The following VWA5B1 variants were observed in gnomAD, a reference collection of about 807,000 sequenced individuals.
VWA5B1 encodes von Willebrand factor A domain containing 5B1.
A neutral mutation model predicts 118.2 loss-of-function variants in VWA5B1; 115 were observed. The ratio of observed to expected loss-of-function variants is 0.97; its 90% CI spans 0.84 to 1.14. VWA5B1 has a LOEUF of 1.14. Ranked by LOEUF, VWA5B1 falls within the 50% of genes most tolerant of loss-of-function variation. The probability of loss-of-function intolerance (pLI) is 0.00; values close to 1 mark genes in which losing one functional copy is unlikely to be tolerated. For synonymous variants in VWA5B1, 682 were observed against 658.4 expected, an observed-to-expected ratio of 1.04 and a Z score of -0.55; for missense variants, 1,596 against 1,603.8, an observed-to-expected ratio of 1.00 and a Z score of 0.08.
Position 20,337,662 on chromosome 1 carries a change from GCGA to G in VWA5B1, c.1962_1964del (p.Arg656del), listed in dbSNP as rs1294876185. ...CCTGTCCAGATCTGAACCTCTCTCA[GCGA>G]CGGAGGGCATACAGCACCAACCAGA... On this transcript the variant is annotated inframe_deletion, in exon 14 of 22. Coordinates refer to ENST00000289815, the MANE Select transcript of VWA5B1 (RefSeq NM_001039500.3). 41 of 1,551,362 alleles carry G rather than the reference GCGA, an allele frequency of 2.6e-5. No individual in the cohort carries two copies. Among genetic ancestry groups the G allele is most frequent in the Non-Finnish European group, 3.4e-5 (39 of 1,146,948 alleles).
At chr1:20,350,032 G>T in intron 18 of VWA5B1, 124 bp from the exon 19 acceptor site, 2 of 946,750 alleles carry the variant, frequency 2.1e-6, no homozygotes, top group East Asian at 2.7e-5. Context: ...AGCAGGGGTG[G>T]AAACCCTAGC....
chr1:20,309,555 G>A (rs1407761350), intron 1 of VWA5B1, among the ~76,000 whole-genome samples: 1 of 152,228 alleles, frequency 6.6e-6, no homozygotes, highest in Non-Finnish European at 1.5e-5. Flanking sequence ...GTGTGTTTGG[G>A]GACCGTGGTG....
chr1:20,303,614 C>CT (rs1222630315), intron 1 of VWA5B1, among the ~76,000 whole-genome samples: 6 of 152,166 alleles, frequency 3.9e-5, no homozygotes, highest in African/African-American at 1.4e-4. Context: ...GGGCCAATTA[C>CT]TATGGAAGTG....
In VWA5B1 at chr1:20,290,889, CT is replaced by C. The variant is rs1482630409; in HGVS notation, c.-225del. ...GGTTACGCTCTGACAAAACAAATGG[CT>C]CGGCCTCCTGCAGGCCACCTAAACA... On this transcript the variant is annotated 5_prime_UTR_variant, in exon 1 of 22. The change creates a premature stop within an existing upstream ORF in the 5' untranslated region. Transcript: ENST00000289815. The C allele has an allele frequency of 1.3e-5, 2 of 152,422 alleles. No homozygotes were observed. The highest frequency in any genetic ancestry group is 2.9e-5 in the Non-Finnish European group (2 of 68,118). The allele number at this position is 152,422 out of a possible 1,614,324, so 9.4% of individuals were successfully genotyped here. A position where few individuals can be genotyped will look rare whatever the true frequency, so the allele number is the denominator to read the frequency against.
intron 13 of VWA5B1, among the ~76,000 whole-genome samples, chr1:20,337,342 G>A (rs191658931): frequency 6.6e-6 from 1 of 152,186 alleles, no homozygotes; most frequent in East Asian, 1.9e-4. Flanking sequence ...AGCCCAGGCT[G>A]GTCTGGAACT....
At chr1:20,308,298 G>A (rs76599327) in intron 1 of VWA5B1, among the ~76,000 whole-genome samples, 101 of 152,298 alleles carry the variant, frequency 6.6e-4, no homozygotes, top group African/African-American at 2.3e-3. Flanking sequence ...CCTCATCTAA[G>A]CCCCGCTCCC....
intron 4 of VWA5B1, among the ~76,000 whole-genome samples, chr1:20,315,998 G>T (rs1398042943): frequency 1.3e-5 from 2 of 152,208 alleles, no homozygotes; most frequent in East Asian, 1.9e-4. Flanking sequence ...CACTGAGTGG[G>T]TCCTAATACG....
intron 13 of VWA5B1, among the ~76,000 whole-genome samples, chr1:20,337,025 G>A (rs772260999): frequency 6.6e-6 from 1 of 152,110 alleles, no homozygotes; most frequent in Non-Finnish European, 1.5e-5. Context: ...GACGTTCCAG[G>A]CAGCAGAAAC....
intron 13 of VWA5B1, among the ~76,000 whole-genome samples, chr1:20,337,231 A>C (rs2089743228): frequency 6.6e-6 from 1 of 152,076 alleles, no homozygotes; most frequent in South Asian, 2.1e-4. Flanking sequence ...GGATTCAAGC[A>C]ATTCTCATGC....
chr1:20,297,830 T>C (rs1469589524), intron 1 of VWA5B1, among the ~76,000 whole-genome samples: 1 of 152,176 alleles, frequency 6.6e-6, no homozygotes, highest in Non-Finnish European at 1.5e-5. Context: ...TTATTTCCCC[T>C]CTGAGCCTCA....
chr1:20,299,362 CTT>C lies in VWA5B1; in HGVS notation c.-27+8276_-27+8277del, dbSNP rs1219811356. ...CCCCATGAGGTCCATTCTGAGGCCT[CTT>C]TGTGTGTCCCTCGTGCTCCAGTTTT... On this transcript the variant is annotated intron_variant, in intron 1 of 21. Coordinates refer to ENST00000289815, the MANE Select transcript of VWA5B1 (RefSeq NM_001039500.3). Among the ~76,000 whole-genome samples, 9 of 152,220 alleles carry C rather than the reference CTT, an allele frequency of 5.9e-5. No individual in the cohort carries two copies. The South Asian group carries it at 1.9e-3, about 32-fold the overall frequency.
intron 20 of VWA5B1, among the ~76,000 whole-genome samples, chr1:20,351,330 G>A (rs893054510): frequency 7.9e-5 from 12 of 151,408 alleles, no homozygotes; most frequent in African/African-American, 1.2e-4. Flanking sequence ...ACCAGCCTGC[G>A]CAACACAGTA....
Position 20,351,611 on chromosome 1 carries a change from C to T in VWA5B1, c.3024-444C>T, listed in dbSNP as rs192578017. ...AGGTTGCAGTGAACCGAGATTGCTC[C>T]ACTGCACTCCAGCCTGGGCAACAGA... On this transcript the variant is annotated intron_variant, in intron 20 of 21. Transcript: ENST00000289815. Among the ~76,000 whole-genome samples, 35 of 152,174 alleles carry T rather than the reference C, an allele frequency of 2.3e-4. 1 individual carries two copies. The East Asian group carries it at 4.6e-3, about 20-fold the overall frequency.
intron 16 of VWA5B1, among the ~76,000 whole-genome samples, chr1:20,343,830 C>G (rs867659292): frequency 1.4e-5 from 1 of 73,996 alleles, no homozygotes; most frequent in African/African-American, 6.4e-5. Flanking sequence ...CCCCTCCGCA[C>G]AGCCCCGCCC....
rs2090049947 is a variant in VWA5B1, at chr1:20,348,261, G to A, written c.2781G>A (p.Met927Ile). 1 of 1,551,576 alleles carries A rather than the reference G, an allele frequency of 6.4e-7. No homozygotes were observed. Among genetic ancestry groups the A allele is most frequent in the Non-Finnish European group, 8.7e-7 (1 of 1,147,028 alleles). Residue 927 changes from methionine to isoleucine, a missense_variant, in exon 18 of 22, where the codon ATG becomes ATA. Physicochemically the swap from Met to Ile is conservative, Grantham distance 10. Coordinates refer to ENST00000289815, the MANE Select transcript of VWA5B1 (RefSeq NM_001039500.3). ...EYPNSGAALR[M>I]LGSRALAQQW... ...TCCGCGAAGGAGCTGCCCTGCGTATGCTTGGCTCTCGGGCCCTGGCCCAAC... is the reference window on the plus strand; with the variant it reads ...TCCGCGAAGGAGCTGCCCTGCGTATACTTGGCTCTCGGGCCCTGGCCCAAC...
intron 21 of VWA5B1, among the ~76,000 whole-genome samples, 178 bp downstream of exon 21, chr1:20,352,350 C>A (rs2090147677): frequency 6.6e-6 from 1 of 152,122 alleles, no homozygotes; most frequent in African/African-American, 2.4e-5. Flanking sequence ...GTTAGCAGGG[C>A]AGAGGGAGTT....
chr1:20,299,701 G>A (rs2088471538), intron 1 of VWA5B1, among the ~76,000 whole-genome samples: 1 of 152,242 alleles, frequency 6.6e-6, no homozygotes, highest in Non-Finnish European at 1.5e-5. Flanking sequence ...ACCACGCTCG[G>A]CCTCCAGTGG....
At position 20,343,054 on chromosome 1, in the gene VWA5B1, G is replaced by C. The variant is rs2089917455; in HGVS notation, c.2312-25G>C. 8 of 1,489,128 alleles carry C rather than the reference G, an allele frequency of 5.4e-6. No homozygotes were observed. In the East Asian group the frequency reaches 2.0e-4, roughly 37 times the overall value. 92.2% of individuals were successfully genotyped at this position (1,489,128 alleles called of 1,614,324 possible). ...CCGTCTGTCCCCCAGGTCAGCGCTT[G>C]GCCCACTTGTCCCTCTGCCCGCAGA... On this transcript the variant is annotated intron_variant, in intron 15 of 21. Coordinates refer to ENST00000289815, the MANE Select transcript of VWA5B1 (RefSeq NM_001039500.3).
At chr1:20,296,358 A>T (rs1182485243) in intron 1 of VWA5B1, among the ~76,000 whole-genome samples, 1 of 152,202 alleles carries the variant, frequency 6.6e-6, no homozygotes. Context: ...AAAGGATTGC[A>T]CGGTGAAACT....
Sources: gnomAD v4.1 joint callset for allele counts (sites outside exome capture counted in the v4.1 genomes callset) on GRCh38, gnomAD v4.1.1 for gene constraint, MANE v1.5 for transcripts, NCBI Gene and HGNC (gene_info 2026-07-23, HGNC 2026-07-21) for gene names.